Variants in PSMA6 observed in about 807,000 individuals in gnomAD.
The protein encoded by PSMA6 is proteasome 20S subunit alpha 6.
For missense variants in PSMA6, 170 were observed against 294.8 expected, an observed-to-expected ratio of 0.58 and a Z score of 3.10; for synonymous variants, 88 against 97.7, an observed-to-expected ratio of 0.90 and a Z score of 0.59.
chr14:35,312,134 G>A (rs906241929), intron 4 of PSMA6, among the ~76,000 whole-genome samples: 1 of 150,184 alleles, frequency 6.7e-6, no homozygotes, highest in Non-Finnish European at 1.5e-5. Context: ...GGGAGGCCGA[G>A]GCAGGAGGAT....
At chr14:35,297,278 C>T (rs1258620992) in intron 1 of PSMA6, among the ~76,000 whole-genome samples, 1 of 151,776 alleles carries the variant, frequency 6.6e-6, no homozygotes, top group Admixed American at 6.6e-5. Flanking sequence ...TGCAGTGTTG[C>T]AATCTCTGCT....
At chr14:35,293,034 G>A (rs1264974847) in intron 1 of PSMA6, 1 of 456,790 alleles carries the variant, frequency 2.2e-6, no homozygotes, top group South Asian at 1.5e-5. Flanking sequence ...AGATACAAAT[G>A]TGAATGTTAC....
At chr14:35,312,506 CAAAAAAAAAAAA>C (rs200184285) in intron 4 of PSMA6, among the ~76,000 whole-genome samples, 49,079 of 100,888 alleles carry the variant, frequency 0.49, 9,895 homozygotes, top group East Asian at 0.74. Context: ...GAGTCTGTCT[CAAAAAAAAAAAA>C]AAAAAAAAAA....
At chr14:35,289,479 A>C (rs1248615398), upstream of PSMA6, among the ~76,000 whole-genome samples, 1 of 151,932 alleles carries the variant, frequency 6.6e-6, no homozygotes, top group East Asian at 1.9e-4. Context: ...TTACAGGTGC[A>C]CACCATTACT....
At chr14:35,303,716 A>G (rs943167084) in intron 1 of PSMA6, among the ~76,000 whole-genome samples, 3 of 152,112 alleles carry the variant, frequency 2.0e-5, no homozygotes, top group Non-Finnish European at 4.4e-5. Flanking sequence ...TCCATATTCA[A>G]CCCATATTCA....
chr14:35,292,297 G>A (rs1392641408), upstream of PSMA6: 2 of 1,421,374 alleles, frequency 1.4e-6, no homozygotes, highest in Admixed American at 3.1e-5. Flanking sequence ...CCCTTAGGGG[G>A]CGGGGCCTCA....
chr14:35,278,571 C>G, upstream of PSMA6: 1 of 839,242 alleles, frequency 1.2e-6, no homozygotes, highest in Non-Finnish European at 1.9e-6. Context: ...ATGTCAGTAT[C>G]CAATAGGATG....
At chr14:35,302,621 C>T (rs891348848) in intron 1 of PSMA6, among the ~76,000 whole-genome samples, 3 of 151,678 alleles carry the variant, frequency 2.0e-5, no homozygotes, top group South Asian at 2.1e-4. Flanking sequence ...TTTTGTTTTC[C>T]GATTCTTTGC....
intron 1 of PSMA6, among the ~76,000 whole-genome samples, chr14:35,285,713 G>A (rs1190952281): frequency 1.3e-5 from 2 of 152,154 alleles, no homozygotes; most frequent in African/African-American, 2.4e-5. Flanking sequence ...CCACCTTCAG[G>A]GAGCTGAGGG....
chr14:35,280,056 C>T (rs2051349178), intron 1 of PSMA6, among the ~76,000 whole-genome samples: 1 of 151,000 alleles, frequency 6.6e-6, no homozygotes, highest in African/African-American at 2.4e-5. Flanking sequence ...ACCAGGGAGG[C>T]GGAGCTTGCA....
At chr14:35,315,408 A>C (rs1483108925) in intron 6 of PSMA6, 4 of 152,044 alleles carry the variant, frequency 2.6e-5, no homozygotes, top group Admixed American at 6.6e-5. Flanking sequence ...AAAAAAAAAA[A>C]ACAGCTGGGT....
chr14:35,316,275 G>C (rs965417199), intron 6 of PSMA6: 1 of 151,218 alleles, frequency 6.6e-6, no homozygotes, highest in Admixed American at 6.6e-5. Context: ...AATCCCAGCT[G>C]CTTGGGAGGC....
At chr14:35,296,175 C>T (rs1305345320) in intron 1 of PSMA6, among the ~76,000 whole-genome samples, 1 of 152,180 alleles carries the variant, frequency 6.6e-6, no homozygotes. Context: ...GTCCTTACTG[C>T]ATACCAACTC....
chr14:35,303,907 TTC>T (rs2051768369), intron 1 of PSMA6, among the ~76,000 whole-genome samples: 1 of 151,234 alleles, frequency 6.6e-6, no homozygotes. Flanking sequence ...GATAATTTCT[TTC>T]TTTTTTTTTT....
At chr14:35,304,440 T>C (rs1403739028) in intron 1 of PSMA6, among the ~76,000 whole-genome samples, 1 of 152,166 alleles carries the variant, frequency 6.6e-6, no homozygotes, top group Non-Finnish European at 1.5e-5. Context: ...AGAAGTTATT[T>C]GTAGTGTAGG....
At chr14:35,290,516 A>G (rs1486489429), upstream of PSMA6, among the ~76,000 whole-genome samples, 1 of 152,208 alleles carries the variant, frequency 6.6e-6, no homozygotes, top group African/African-American at 2.4e-5. Flanking sequence ...GATTTTTTAG[A>G]TTAATAAAAT....
intron 1 of PSMA6, among the ~76,000 whole-genome samples, chr14:35,284,944 G>A (rs556942810): frequency 4.6e-5 from 7 of 152,296 alleles, no homozygotes; most frequent in African/African-American, 1.7e-4. Context: ...TAAATCTGCT[G>A]TCTGTGGTTG....
rs1012375559 is a variant in PSMA6, at chr14:35,301,821, T to G, written c.77-6173T>G. On this transcript the variant is annotated intron_variant, in intron 1 of 6. Coordinates refer to ENST00000261479, the MANE Select transcript of PSMA6 (RefSeq NM_002791.3). ...TGTGGCTTTTACCTTTTGCATTATTTAAGCAATAAGCATGTATTCATTTAT... is the reference window on the plus strand; with the variant it reads ...TGTGGCTTTTACCTTTTGCATTATTGAAGCAATAAGCATGTATTCATTTAT... Among the ~76,000 whole-genome samples the G allele has an allele frequency of 3.9e-5, 6 of 152,232 alleles. No individual in the cohort carries two copies. In the East Asian group the frequency reaches 9.6e-4, roughly 24 times the overall value.
chr14:35,306,405 TA>T (rs1476197451), intron 1 of PSMA6, among the ~76,000 whole-genome samples: 6 of 151,894 alleles, frequency 4.0e-5, no homozygotes, highest in Non-Finnish European at 1.5e-5. Flanking sequence ...AAAAATTTTT[TA>T]AAAAAGAAAA....
Sources: gnomAD v4.1 joint callset for allele counts (sites outside exome capture counted in the v4.1 genomes callset) on GRCh38, gnomAD v4.1.1 for gene constraint, MANE v1.5 for transcripts, NCBI Gene and HGNC (gene_info 2026-07-23, HGNC 2026-07-21) for gene names.